INTS6: variants seen among roughly 807,000 people sequenced by gnomAD.
INTS6 encodes DEAD box protein.
In INTS6, 16 loss-of-function variants were observed where a neutral mutation model predicts 104.9. The ratio of observed to expected loss-of-function variants is 0.15; its 90% CI spans 0.10 to 0.23. The LOEUF is 0.23. Ranked by LOEUF, INTS6 falls within the 10% of genes least tolerant of loss-of-function variation. The pLI, the probability that INTS6 is intolerant of heterozygous loss-of-function variation, is 1.00. For missense variants in INTS6, 584 were observed against 1,062.8 expected (o/e 0.55, Z 6.26); for synonymous variants, 324 against 358.7 (o/e 0.90, Z 1.09).
Position 51,451,194 on chromosome 13 carries a change from A to ATT in INTS6, c.190-22_190-21dup. ...TCCAGCCTGAAAAGAAAAATGTAAG[A>ATT]TTTTTTTTTTTCATTTTTTAAAGCC... is the stretch of plus-strand genomic sequence containing the variant. On this transcript the variant is annotated intron_variant, in intron 2 of 17. Coordinates refer to ENST00000311234, the MANE Select transcript of INTS6 (RefSeq NM_012141.3). The ATT allele has an allele frequency of 2.6e-5, 34 of 1,310,688 alleles. No individual in the cohort carries two copies. Among genetic ancestry groups the ATT allele is most frequent in the South Asian group, 7.8e-5 (5 of 64,486 alleles). The allele number at this position is 1,310,688 out of a possible 1,614,324, so 81.2% of individuals were successfully genotyped here.
intron 4 of INTS6, among the ~76,000 whole-genome samples, chr13:51,415,902 G>A (rs1411867025): frequency 6.6e-6 from 1 of 152,048 alleles, no homozygotes; most frequent in African/African-American, 2.4e-5. Flanking sequence ...GTAACACTCA[G>A]GGACAGGCAA....
downstream of INTS6, among the ~76,000 whole-genome samples, chr13:51,351,081 T>C (rs1955398279): frequency 6.6e-6 from 1 of 152,210 alleles, no homozygotes; most frequent in Admixed American, 6.5e-5. Flanking sequence ...ACATTTTGGC[T>C]TGTTTTAACT....
At chr13:51,342,358 G>C in the INTS6 span, among the ~76,000 whole-genome samples, 4 of 152,058 alleles carry the variant, frequency 2.6e-5, no homozygotes, top group South Asian at 2.1e-4. Flanking sequence ...TTGTTAATCT[G>C]TCTGGGCCTC....
In INTS6 at chr13:51,368,994, C is replaced by T. The variant is rs1955747436; in HGVS notation, c.2421G>A (p.Glu807=). 9 of 1,613,136 alleles carry T rather than the reference C, an allele frequency of 5.6e-6. No homozygotes were observed. The highest frequency in any genetic ancestry group is 7.6e-6 in the Non-Finnish European group (9 of 1,179,602). The change falls in exon 16 of 18, where the codon GAG becomes GAA. Residue 807 remains glutamate (E), a synonymous_variant. Coordinates refer to ENST00000311234, the MANE Select transcript of INTS6 (RefSeq NM_012141.3). ...TTTGTGCTTTTAGTTCAGTATTGACCTCTTCATGGCTTCTGCAATGCATCA... is the reference window on the plus strand; with the variant it reads ...TTTGTGCTTTTAGTTCAGTATTGACTTCTTCATGGCTTCTGCAATGCATCA... ...KKLMHCRSHE[E]VNTELKAQIM...
At chr13:51,418,215 G>A (rs1322907746) in intron 4 of INTS6, among the ~76,000 whole-genome samples, 3 of 152,092 alleles carry the variant, frequency 2.0e-5, no homozygotes, top group Non-Finnish European at 4.4e-5. Context: ...CTAGGCACAT[G>A]GTAAGCCCTA....
At position 51,452,169 on chromosome 13, in the gene INTS6, C is replaced by G. The variant is rs1177560410; in HGVS notation, c.112-114G>C. 2.0e-5 allele frequency: 20 copies of G among 982,398 alleles called. No homozygotes were observed. The highest frequency in any genetic ancestry group is 3.2e-5 in the African/African-American group (2 of 62,298). 60.9% of individuals were successfully genotyped at this position (982,398 alleles called of 1,614,324 possible). ...CGCCCCCACAGTACCGCACACGCAG[C>G]GGCCACCCCTCCACGCCGTCCCCCA... is the stretch of plus-strand genomic sequence containing the variant. On this transcript the variant is annotated intron_variant, in intron 1 of 17. Transcript: ENST00000311234. This position sits in a 1 kb window ranked among gnomAD's most constrained non-coding sequence, Gnocchi z 4.2.
chr13:51,431,887 T>C (rs932669264), intron 3 of INTS6, among the ~76,000 whole-genome samples: 1 of 152,152 alleles, frequency 6.6e-6, no homozygotes, highest in Non-Finnish European at 1.5e-5. Flanking sequence ...TTTTCCTCTG[T>C]AATATTCATG....
the INTS6 span, chr13:51,344,467 G>A: frequency 3.8e-6 from 6 of 1,590,736 alleles, no homozygotes; most frequent in East Asian, 1.1e-4. Context: ...TAGCGAAGGG[G>A]CCTCCAGAGA....
At chr13:51,382,656 G>C (rs994977389) in intron 9 of INTS6, among the ~76,000 whole-genome samples, 1 of 151,448 alleles carries the variant, frequency 6.6e-6, no homozygotes, top group African/African-American at 2.4e-5. Context: ...AATGCACTCA[G>C]ATCTTGTTAA....
chr13:51,368,677 A>G (rs1434756985), intron 16 of INTS6, among the ~76,000 whole-genome samples: 1 of 152,110 alleles, frequency 6.6e-6, no homozygotes, highest in Non-Finnish European at 1.5e-5. Flanking sequence ...CAGAATATTC[A>G]AGACTATGGG....
At chr13:51,427,036 T>C (rs1956997220) in intron 4 of INTS6, among the ~76,000 whole-genome samples, 1 of 152,102 alleles carries the variant, frequency 6.6e-6, no homozygotes, top group Non-Finnish European at 1.5e-5. Flanking sequence ...CCTCATATGA[T>C]ATAAGGATGA....
intron 3 of INTS6, among the ~76,000 whole-genome samples, chr13:51,430,611 T>C (rs1163010843): frequency 2.0e-5 from 3 of 152,234 alleles, no homozygotes; most frequent in South Asian, 2.1e-4. Flanking sequence ...GATTTTTCAC[T>C]TCTTTATAAA....
intron 4 of INTS6, among the ~76,000 whole-genome samples, chr13:51,429,605 A>G (rs1222588522): frequency 2.0e-5 from 3 of 151,576 alleles, no homozygotes; most frequent in East Asian, 3.9e-4. Context: ...CTCTACTAAA[A>G]TTACAAAAAT....
downstream of INTS6, among the ~76,000 whole-genome samples, chr13:51,360,525 G>A (rs1442990746): frequency 6.6e-6 from 1 of 151,988 alleles, no homozygotes. Flanking sequence ...GTTTAAAAAT[G>A]GTTAATGATT....
the INTS6 span, among the ~76,000 whole-genome samples, chr13:51,344,672 T>A: frequency 1.3e-5 from 2 of 151,984 alleles, no homozygotes; most frequent in Non-Finnish European, 2.9e-5. Context: ...CTCTTCCTGC[T>A]CTGACCCTCT....
chr13:51,351,158 A>G (rs1955399265), downstream of INTS6, among the ~76,000 whole-genome samples: 1 of 152,174 alleles, frequency 6.6e-6, no homozygotes, highest in African/African-American at 2.4e-5. Flanking sequence ...TATCTTGGAT[A>G]TACACCTAAG....
At position 51,379,564 on chromosome 13, in the gene INTS6, C is replaced by T; in HGVS notation, c.1284G>A (p.Lys428=). ...TMPPYYLGPL[K]KAVRMMGAPN... Reference sequence around the variant, plus strand: ...GTGCTCCCATCATCCTAACAGCTTTCTTCAAGGGCTATAGGAAAAAAGAAA... The same window carrying T: ...GTGCTCCCATCATCCTAACAGCTTTTTTCAAGGGCTATAGGAAAAAAGAAA... Residue 428 remains lysine, a synonymous_variant, in exon 11 of 18, where the codon AAG becomes AAA. Transcript: ENST00000311234. The T allele has an allele frequency of 6.4e-7, 1 of 1,574,120 alleles. No homozygotes were observed. Among genetic ancestry groups the T allele is most frequent in the Non-Finnish European group, 8.7e-7 (1 of 1,152,942 alleles).
the INTS6 span, chr13:51,344,580 C>T: frequency 1.1e-6 from 1 of 942,604 alleles, no homozygotes; most frequent in Non-Finnish European, 1.7e-6. Flanking sequence ...GTGCTCAGGC[C>T]ACCTTCAATT....
chr13:51,383,847 A>C, intron 7 of INTS6, 106 bp from the exon 8 acceptor site: 1 of 904,346 alleles, frequency 1.1e-6, no homozygotes, highest in Non-Finnish European at 1.6e-6. Context: ...TGCTAGTAAG[A>C]GTTTGATTTA....
Sources: gnomAD v4.1 joint callset for allele counts (sites outside exome capture counted in the v4.1 genomes callset) on GRCh38, gnomAD v4.1.1 for gene constraint, Gnocchi (gnomAD v3.1) non-coding constraint, MANE v1.5 for transcripts, NCBI Gene and HGNC (gene_info 2026-07-23, HGNC 2026-07-21) for gene names.